The following RBM45 variants were observed in gnomAD, a reference collection of about 807,000 sequenced individuals.
RBM45 encodes RNA binding motif protein 45.
RBM45 carries 39 observed loss-of-function variants against 58.5 expected under a neutral mutation model. That is an observed-to-expected ratio of 0.67 (90% CI 0.52 to 0.87). The LOEUF (loss-of-function observed/expected upper bound fraction) is 0.87, where lower values mean the gene tolerates loss of function less well. RBM45 is among the 40% of genes least tolerant of loss of function. RBM45 has a pLI of 0.00. For missense variants in RBM45, 481 were observed against 581.6 expected (o/e 0.83, Z 1.78); for synonymous variants, 193 against 203.0 (o/e 0.95, Z 0.42).
intron 3 of RBM45, 85 bp downstream of exon 3, chr2:178,118,266 A>G: frequency 7.6e-7 from 1 of 1,311,096 alleles, no homozygotes; most frequent in Non-Finnish European, 1.0e-6. Context: ...AGTTTTTGCT[A>G]ATAACTGTAT....
Position 178,126,231 on chromosome 2 carries a change from A to G in RBM45, c.*8+47A>G, listed in dbSNP as rs761413407. 1.5e-4 allele frequency: 187 copies of G among 1,248,920 alleles called. 1 individual carries two copies. Among genetic ancestry groups the G allele is most frequent in the Middle Eastern group, 1.9e-4 (1 of 5,224 alleles). The allele number at this position is 1,248,920 out of a possible 1,614,324, so 77.4% of individuals were successfully genotyped here. On this transcript the variant is annotated intron_variant, in intron 9 of 9. Transcript: ENST00000286070. The stretch of plus-strand genomic sequence containing the variant: ...TTTTAAAACATATTGAGTAAATAGT[A>G]TATGAGGAATATGTGTAAGTACTTT...
chr2:178,126,818 A>C (rs1335519948), intron 9 of RBM45, among the ~76,000 whole-genome samples: 1 of 152,194 alleles, frequency 6.6e-6, no homozygotes, highest in Non-Finnish European at 1.5e-5. Flanking sequence ...ATTTTGATAC[A>C]TACAGCCATA....
chr2:178,124,000 G>T, intron 7 of RBM45, 88 bp downstream of exon 7: 1 of 1,498,898 alleles, frequency 6.7e-7, no homozygotes, highest in Non-Finnish European at 9.2e-7. Flanking sequence ...GATTATCTGT[G>T]TATGAAAATT....
chr2:178,114,790 T>A (rs1261351637), intron 1 of RBM45, among the ~76,000 whole-genome samples: 1 of 152,046 alleles, frequency 6.6e-6, no homozygotes, highest in Non-Finnish European at 1.5e-5. Context: ...AGAGACAGGG[T>A]CTCACTATGT....
At chr2:178,117,837 C>T (rs2087797589) in intron 2 of RBM45, among the ~76,000 whole-genome samples, 1 of 152,190 alleles carries the variant, frequency 6.6e-6, no homozygotes, top group Admixed American at 6.5e-5. Context: ...AATTCTTACT[C>T]TTCTGTGACT....
At chr2:178,121,159 C>A in intron 4 of RBM45, 21 bp from the exon 5 acceptor site, 1 of 1,317,004 alleles carries the variant, frequency 7.6e-7, no homozygotes, top group South Asian at 1.3e-5. Context: ...TAAAGATTTA[C>A]TTTTTTTTAT....
chr2:178,124,450 A>G (rs1364024178), intron 8 of RBM45, among the ~76,000 whole-genome samples, 160 bp downstream of exon 8: 1 of 152,032 alleles, frequency 6.6e-6, no homozygotes, highest in Non-Finnish European at 1.5e-5. Context: ...ATTTCTGATT[A>G]TTTTCTTCTC....
chr2:178,133,423 G>A (rs1316378830), downstream of RBM45, among the ~76,000 whole-genome samples: 1 of 152,156 alleles, frequency 6.6e-6, no homozygotes, highest in African/African-American at 2.4e-5. Context: ...AATGACAAAG[G>A]AGTATGAAGG....
chr2:178,118,816 T>TA (rs921502357), intron 3 of RBM45, among the ~76,000 whole-genome samples: 1 of 152,190 alleles, frequency 6.6e-6, no homozygotes, highest in Non-Finnish European at 1.5e-5. Context: ...TAGGACATTA[T>TA]AAAAATATAT....
At chr2:178,114,688 C>G (rs1331659947) in intron 1 of RBM45, among the ~76,000 whole-genome samples, 1 of 152,108 alleles carries the variant, frequency 6.6e-6, no homozygotes, top group Non-Finnish European at 1.5e-5. Flanking sequence ...ACCTCCCAGA[C>G]TCAAGCAATC....
In RBM45 at chr2:178,116,383, A is replaced by T; in HGVS notation, c.422A>T (p.Lys141Met). 2 of 1,604,328 alleles carry T rather than the reference A, an allele frequency of 1.2e-6. No individual in the cohort carries two copies. Among genetic ancestry groups the T allele is most frequent in the Non-Finnish European group, 1.7e-6 (2 of 1,177,084 alleles). ...YTEEDLREKF[K>M]VYGDIEYCSI... is the part of the protein sequence containing the mutation. ...GAAGAAGATCTGCGGGAAAAATTTA[A>T]GGTATTTATTCTAATCAGCTAGCAT... The change falls in exon 2 of 10, where the codon AAG becomes ATG. Residue 141 changes from lysine (K) to methionine (M), a missense_variant and splice_region_variant. Lys to Met is a moderately conservative substitution (Grantham distance 95, BLOSUM62 -1). Transcript: ENST00000286070.
At chr2:178,124,780 C>T (rs2087904753) in intron 8 of RBM45, among the ~76,000 whole-genome samples, 1 of 152,206 alleles carries the variant, frequency 6.6e-6, no homozygotes, top group Non-Finnish European at 1.5e-5. Context: ...TGCTACTGTA[C>T]TCCAGCCTGG....
chr2:178,125,877 G>C, intron 8 of RBM45, 107 bp from the exon 9 acceptor site: 1 of 792,014 alleles, frequency 1.3e-6, no homozygotes, highest in Non-Finnish European at 2.2e-6. Flanking sequence ...TTGGATGTTG[G>C]ATCTGGGGAG....
At chr2:178,116,162 T>G in intron 1 of RBM45, 100 bp from the exon 2 acceptor site, 1 of 1,422,188 alleles carries the variant, frequency 7.0e-7, no homozygotes, top group African/African-American at 1.5e-5. Context: ...TCTCAAAGAT[T>G]AAAAAAAAGT....
At chr2:178,122,480 G>A (rs1287471115) in intron 5 of RBM45, among the ~76,000 whole-genome samples, 3 of 152,134 alleles carry the variant, frequency 2.0e-5, no homozygotes, top group Non-Finnish European at 4.4e-5. Flanking sequence ...CTGTCTTTGA[G>A]CCATCCCCAG....
At chr2:178,118,878 G>A (rs7355515) in intron 3 of RBM45, among the ~76,000 whole-genome samples, 1,593 of 152,138 alleles carry the variant, frequency 0.01, 8 homozygotes, top group Non-Finnish European at 0.016. Flanking sequence ...ATACCCCTAA[G>A]GTACATACCC....
intron 9 of RBM45, among the ~76,000 whole-genome samples, chr2:178,128,783 G>A (rs1056966989): frequency 3.3e-5 from 5 of 152,092 alleles, no homozygotes; most frequent in Non-Finnish European, 5.9e-5. Flanking sequence ...TTTTTGCTGC[G>A]GATCTCCTAT....
At chr2:178,118,224 T>A (rs1231067559) in intron 3 of RBM45, 43 bp downstream of exon 3, 2 of 1,545,456 alleles carry the variant, frequency 1.3e-6, no homozygotes, top group African/African-American at 1.4e-5. Context: ...TGTAAAAAAT[T>A]CTGATTATTC....
chr2:178,132,754 C>G (rs1050947941), downstream of RBM45, among the ~76,000 whole-genome samples: 2 of 152,134 alleles, frequency 1.3e-5, no homozygotes, highest in African/African-American at 4.8e-5. Context: ...CCACACCCAG[C>G]TGATTTTGTA....
Sources: allele counts gnomAD v4.1 joint callset (sites outside exome capture counted in the v4.1 genomes callset), GRCh38; gene constraint gnomAD v4.1.1; transcripts MANE v1.5; gene names NCBI Gene and HGNC (gene_info 2026-07-23, HGNC 2026-07-21).